Variants in ZSWIM4 observed in about 807,000 individuals in gnomAD.
The protein encoded by ZSWIM4 is zinc finger SWIM-type containing 4, also known as zinc finger SWIM domain-containing protein 4.
A neutral mutation model predicts 102.5 loss-of-function variants in ZSWIM4; 62 were observed. That is an observed-to-expected ratio of 0.60 (90% confidence interval 0.49 to 0.75). The LOEUF is 0.75. Ranked by LOEUF, ZSWIM4 falls within the 30% of genes least tolerant of loss-of-function variation. The pLI is 0.00. For synonymous variants in ZSWIM4, 652 were observed against 674.5 expected (o/e 0.97, Z 0.52); for missense variants, 1,280 against 1,529.6 (o/e 0.84, Z 2.72).
chr19:13,807,748 T>C (rs543744470), intron 3 of ZSWIM4, among the ~76,000 whole-genome samples: 2,704 of 132,912 alleles, frequency 0.02, 78 homozygotes, highest in African/African-American at 0.08. Flanking sequence ...GATGCATGGA[T>C]GGATGCATGG....
intron 7 of ZSWIM4, among the ~76,000 whole-genome samples, chr19:13,816,172 G>C (rs1351102524): frequency 6.6e-6 from 1 of 152,118 alleles, no homozygotes; most frequent in Non-Finnish European, 1.5e-5. Context: ...CGATGGGGTT[G>C]ATGGATCAGC....
chr19:13,830,494 T>A lies in ZSWIM4; in HGVS notation c.2765T>A (p.Leu922His), dbSNP rs1419544972. Residue 922 changes from leucine (L) to histidine (H), a missense_variant, in exon 14 of 14, where the codon CTC becomes CAC. Coordinates refer to ENST00000590508, the MANE Select transcript of ZSWIM4 (RefSeq NM_001367834.3). ...GCCGGCGGCCTGGGCCACGCCCACC[T>A]CTTCACTGTGGCCCGCTATATGGAG... is the stretch of plus-strand genomic sequence containing the variant. ...AAAGGLGHAH[L>H]FTVARYMEHR... 1 of 1,600,798 alleles carries A rather than the reference T, an allele frequency of 6.2e-7. No homozygotes were observed. Among genetic ancestry groups the A allele is most frequent in the Admixed American group, 1.7e-5 (1 of 59,964 alleles).
intron 3 of ZSWIM4, among the ~76,000 whole-genome samples, chr19:13,807,750 G>GATGC (rs1555712787): frequency 1.1e-3 from 138 of 126,386 alleles, no homozygotes; most frequent in African/African-American, 4.5e-3. Context: ...TGCATGGATG[G>GATGC]ATGCATGGAT....
intron 6 of ZSWIM4, among the ~76,000 whole-genome samples, chr19:13,813,763 A>G (rs1975177495): frequency 1.3e-5 from 2 of 151,768 alleles, no homozygotes; most frequent in South Asian, 2.1e-4. Context: ...TCTACAAAAA[A>G]TACAAAAATT....
chr19:13,814,820 C>T lies in ZSWIM4; in HGVS notation c.1486C>T (p.Leu496=). The part of the protein sequence containing the change: ...LASAIINTLR[L]QQRHQLESYK... The stretch of plus-strand genomic sequence containing the variant: ...AAGTGCCATCATCAACACACTCCGG[C>T]TGCAGCAGCGGCATCAGCTAGAGAG... The change falls in exon 7 of 14, where the codon CTG becomes TTG. Residue 496 remains leucine (L), a synonymous_variant. Transcript: ENST00000590508. 1 of 1,275,398 alleles carries T rather than the reference C, an allele frequency of 7.8e-7. No individual in the cohort carries two copies. The highest frequency in any genetic ancestry group is 1.0e-6 in the Non-Finnish European group (1 of 977,758). The allele number at this position is 1,275,398 out of a possible 1,614,324, so 79.0% of individuals were successfully genotyped here.
intron 5 of ZSWIM4, among the ~76,000 whole-genome samples, 200 bp from the exon 6 acceptor site, chr19:13,812,797 C>T (rs984836503): frequency 2.0e-5 from 3 of 152,160 alleles, no homozygotes; most frequent in Non-Finnish European, 1.5e-5. Context: ...AACTTACCAG[C>T]GGTGTGACCC....
chr19:13,800,065 A>ATATTTTT (rs1974718476), intron 2 of ZSWIM4, 144 bp downstream of exon 2: 1 of 334,366 alleles, frequency 3.0e-6, no homozygotes, highest in Non-Finnish European at 4.8e-6. Context: ...ATTGTACAAG[A>ATATTTTT]TTTTTTTTTT....
At position 13,813,677 on chromosome 19, in the gene ZSWIM4, T is replaced by G. The variant is rs148085040; in HGVS notation, c.1180+513T>G. Reference sequence around the variant, plus strand: ...GTCTCACGCCTGTAATCCCAGCACTTTGGGAAGCTGAGGGGGGCAGATTGC... The same window carrying G: ...GTCTCACGCCTGTAATCCCAGCACTGTGGGAAGCTGAGGGGGGCAGATTGC... On this transcript the variant is annotated intron_variant, in intron 6 of 13. Transcript: ENST00000590508. Among the ~76,000 whole-genome samples the G allele has an allele frequency of 1.2e-3, 189 of 151,780 alleles. 1 individual carries two copies. Among genetic ancestry groups the G allele is most frequent in the African/African-American group, 4.4e-3 (183 of 41,406 alleles).
At chr19:13,817,407 A>G in intron 8 of ZSWIM4, 54 bp downstream of exon 8, 1 of 1,581,142 alleles carries the variant, frequency 6.3e-7, no homozygotes, top group Non-Finnish European at 8.6e-7. Flanking sequence ...CTCGTTGGCC[A>G]CGCCCCCTGG....
At chr19:13,820,811 G>T (rs1164468984) in intron 10 of ZSWIM4, among the ~76,000 whole-genome samples, 1 of 150,826 alleles carries the variant, frequency 6.6e-6, no homozygotes, top group East Asian at 1.9e-4. Context: ...TACAGGATTT[G>T]TCTTATCACA....
chr19:13,830,463 G>A lies in ZSWIM4; in HGVS notation c.2734G>A (p.Ala912Thr). ...FEAAYQIVLD[A>T]AAGGLGHAHL... is the part of the protein sequence containing the mutation. ...GGCGGCCTACCAGATCGTGCTGGAC[G>A]CGGCGGCCGGCGGCCTGGGCCACGC... Residue 912 changes from alanine (A) to threonine (T), a missense_variant, in exon 14 of 14, where the codon GCG becomes ACG. Ala to Thr is a moderately conservative substitution (Grantham distance 58). Coordinates refer to ENST00000590508, the MANE Select transcript of ZSWIM4 (RefSeq NM_001367834.3). The A allele has an allele frequency of 1.9e-6, 3 of 1,603,872 alleles. No homozygotes were observed. Among genetic ancestry groups the A allele is most frequent in the Non-Finnish European group, 2.5e-6 (3 of 1,179,752 alleles).
At chr19:13,795,920 G>T in intron 1 of ZSWIM4, 119 bp downstream of exon 1, 1 of 582,258 alleles carries the variant, frequency 1.7e-6, no homozygotes, top group Non-Finnish European at 2.3e-6. Flanking sequence ...CACCCCCTGA[G>T]ATTCCACCCC....
At chr19:13,799,973 G>C (rs1318020407) in intron 2 of ZSWIM4, 52 bp downstream of exon 2, 1 of 1,554,408 alleles carries the variant, frequency 6.4e-7, no homozygotes, top group Non-Finnish European at 8.7e-7. Flanking sequence ...TCCATACCAG[G>C]CCTGGAAATG....
In ZSWIM4 at chr19:13,830,960, C is replaced by A; in HGVS notation, c.3231C>A (p.His1077Gln). The A allele has an allele frequency of 6.2e-7, 1 of 1,614,126 alleles. No individual in the cohort carries two copies. Among genetic ancestry groups the A allele is most frequent in the African/African-American group, 1.3e-5 (1 of 75,048 alleles). Residue 1077 changes from histidine (H) to glutamine (Q), a missense_variant, in exon 14 of 14, where the codon CAC (histidine) becomes CAA (glutamine). Physicochemically the swap from His to Gln is conservative, Grantham distance 24. Coordinates refer to ENST00000590508, the MANE Select transcript of ZSWIM4 (RefSeq NM_001367834.3). ...CCTTCCTGCTGGCGCCCGACGGGCA[C>A]CTCCAGTTCTCACAGTTCTTGGAGA... ...RETFLLAPDG[H>Q]LQFSQFLENL...
At position 13,808,916 on chromosome 19, in the gene ZSWIM4, G is replaced by C. The variant is rs1368874814; in HGVS notation, c.793G>C (p.Val265Leu). 2 of 1,611,914 alleles carry C rather than the reference G, an allele frequency of 1.2e-6. No homozygotes were observed. The highest frequency in any genetic ancestry group is 3.4e-5 in the Admixed American group (2 of 59,672). Reference protein sequence around the residue: ...HLDEEQIQEQVKQLLSNGGYY... With the variant: ...HLDEEQIQEQLKQLLSNGGYY... ...GGACGAGGAGCAGATCCAGGAGCAG[G>C]TGAAGCAGCTACTGTCCAATGGCGG... The change falls in exon 4 of 14, where the codon GTG (valine) becomes CTG (leucine). Residue 265 changes from valine to leucine, a missense_variant. Coordinates refer to ENST00000590508, the MANE Select transcript of ZSWIM4 (RefSeq NM_001367834.3).
Position 13,825,772 on chromosome 19 carries a change from T to A in ZSWIM4, c.2379+59T>A. The A allele has an allele frequency of 6.5e-7, 1 of 1,544,258 alleles. No homozygotes were observed. Among genetic ancestry groups the A allele is most frequent in the Non-Finnish European group, 8.7e-7 (1 of 1,148,862 alleles). On this transcript the variant is annotated intron_variant, in intron 12 of 13. Transcript: ENST00000590508. The surrounding 1 kb of genome is among the most constrained non-coding windows in gnomAD (Gnocchi z 4.6). The stretch of plus-strand genomic sequence containing the variant: ...GGTGGCTCGGGGCCAGGACTGACTG[T>A]GAGCTGCGCCTCCCGGGGCATGGGC...
chr19:13,831,953 C>G lies in ZSWIM4; in HGVS notation c.*903C>G, dbSNP rs973918915. ...TCTGCACCTAAGTCCCTGCCGCCCT[C>G]TCTCTTTGGCCATCCTTCCTTTCCC... On this transcript the variant is annotated 3_prime_UTR_variant, in exon 14 of 14. Transcript: ENST00000590508. 1 of 151,924 alleles carries G rather than the reference C, an allele frequency of 6.6e-6. No individual in the cohort carries two copies. 9.4% of individuals were successfully genotyped at this position (151,924 alleles called of 1,614,324 possible).
chr19:13,813,216 G>A, intron 6 of ZSWIM4, 52 bp downstream of exon 6: 1 of 1,441,210 alleles, frequency 6.9e-7, no homozygotes, highest in South Asian at 1.3e-5. Flanking sequence ...ACCACTAACT[G>A]TGGCCCCACT....
intron 3 of ZSWIM4, among the ~76,000 whole-genome samples, chr19:13,806,643 A>T (rs1733254902): frequency 6.6e-6 from 1 of 151,660 alleles, no homozygotes; most frequent in Non-Finnish European, 1.5e-5. Context: ...CAACCTGATG[A>T]CAGACTGAGA....
Sources: allele counts gnomAD v4.1 joint callset (sites outside exome capture counted in the v4.1 genomes callset), GRCh38; gene constraint gnomAD v4.1.1; non-coding constraint Gnocchi (gnomAD v3.1); transcripts MANE v1.5; gene names NCBI Gene and HGNC (gene_info 2026-07-23, HGNC 2026-07-21).